The following FANCD2 variants were observed in gnomAD, a reference collection of about 807,000 sequenced individuals.
FANCD2 encodes FA complementation group D2.
Under a neutral mutation model 192.3 loss-of-function variants are expected in FANCD2, and 131 were observed. The observed-to-expected ratio is 0.68, with a 90% CI of 0.59 to 0.79. The LOEUF is 0.79. FANCD2 is among the 30% of genes least tolerant of loss of function. The probability of loss-of-function intolerance (pLI) is 0.00; values close to 1 mark genes in which losing one functional copy is unlikely to be tolerated. For synonymous variants in FANCD2, 524 were observed against 612.5 expected (o/e 0.86, Z 2.13); for missense variants, 1,508 against 1,701.6 (o/e 0.89, Z 2.00).
intron 8 of FANCD2, 113 bp from the exon 9 acceptor site, chr3:10,039,608 G>C: frequency 8.2e-7 from 1 of 1,217,018 alleles, no homozygotes; most frequent in Non-Finnish European, 1.2e-6. Flanking sequence ...AAAGTACAGA[G>C]ATAAATGACT....
rs370765663 is a variant in FANCD2, at chr3:10,039,379, C to T, written c.570+22C>T. 149 of 1,580,218 alleles carry T rather than the reference C, an allele frequency of 9.4e-5. No individual in the cohort carries two copies. In the Middle Eastern group the frequency reaches 6.8e-3, roughly 72 times the overall value. ...CAAGGTAGGCTTATGGACTTTATCT[C>T]TTGAATTTAAAGAGTATGTTTCTCA... On this transcript the variant is annotated intron_variant, in intron 8 of 43. Coordinates refer to ENST00000675286, the MANE Select transcript of FANCD2 (RefSeq NM_001018115.3).
intron 29 of FANCD2, among the ~76,000 whole-genome samples, chr3:10,077,396 A>T: frequency 6.6e-6 from 1 of 152,064 alleles, no homozygotes; most frequent in Non-Finnish European, 1.5e-5. Context: ...TTCTACTAAA[A>T]ATACAAAAAT....
chr3:10,092,832 C>T (rs1427969293), intron 38 of FANCD2, among the ~76,000 whole-genome samples: 1 of 151,650 alleles, frequency 6.6e-6, no homozygotes, highest in Non-Finnish European at 1.5e-5. Flanking sequence ...GCTGGGACTA[C>T]AGGAACATGC....
Position 10,041,714 on chromosome 3 carries a change from G to T in FANCD2, c.783+4G>T. ...TGACCCAAACTTCCTATTGAAGGTAGAAAAGACTCAGCTTTCCAGAAACAG... is the reference window on the plus strand; with the variant it reads ...TGACCCAAACTTCCTATTGAAGGTATAAAAGACTCAGCTTTCCAGAAACAG... On this transcript the variant is annotated splice_donor_region_variant and intron_variant, in intron 10 of 43. Transcript: ENST00000675286. 1 of 1,610,962 alleles carries T rather than the reference G, an allele frequency of 6.2e-7. No homozygotes were observed. The highest frequency in any genetic ancestry group is 8.5e-7 in the Non-Finnish European group (1 of 1,177,256).
intron 1 of FANCD2, among the ~76,000 whole-genome samples, chr3:10,027,412 C>A (rs187873909): frequency 6.6e-6 from 1 of 152,208 alleles, no homozygotes; most frequent in Non-Finnish European, 1.5e-5. Flanking sequence ...CACCTTTGTG[C>A]AAAGGCACTG....
intron 18 of FANCD2, among the ~76,000 whole-genome samples, chr3:10,053,634 A>C (rs2087287459): frequency 6.6e-6 from 1 of 151,834 alleles, no homozygotes; most frequent in Non-Finnish European, 1.5e-5. Flanking sequence ...AAAAAAAAAA[A>C]CAAGCAAATG....
At chr3:10,054,459 ATATATATATATATATTTTTTTT>A in intron 18 of FANCD2, among the ~76,000 whole-genome samples, 1 of 21,992 alleles carries the variant, frequency 4.5e-5, no homozygotes, top group Non-Finnish European at 9.5e-5. Context: ...ATATATATAT[ATATATATATATATATTTTTTTT>A]TTTTTTTTTT....
intron 18 of FANCD2, among the ~76,000 whole-genome samples, chr3:10,056,890 T>C (rs917616597): frequency 1.3e-5 from 2 of 152,218 alleles, no homozygotes; most frequent in Non-Finnish European, 2.9e-5. Context: ...GGTCTCACTC[T>C]GTCACACACA....
chr3:10,039,471 T>A lies in FANCD2; in HGVS notation c.570+114T>A, dbSNP rs546351552. 2.9e-6 allele frequency: 3 copies of A among 1,025,724 alleles called. No individual in the cohort carries two copies. The East Asian group carries it at 7.8e-5, about 27-fold the overall frequency. The allele number at this position is 1,025,724 out of a possible 1,614,324, so 63.5% of individuals were successfully genotyped here. On this transcript the variant is annotated intron_variant, in intron 8 of 43. Transcript: ENST00000675286. ...AATTCATACTTTTCCATCCATCCAT[T>A]AGCTTTTTCCAATTTTCATAATTTG... is the stretch of plus-strand genomic sequence containing the variant.
intron 23 of FANCD2, 126 bp downstream of exon 23, chr3:10,065,001 AG>A (rs1292882253): frequency 2.6e-5 from 26 of 1,009,924 alleles, no homozygotes; most frequent in Non-Finnish European, 4.0e-5. Flanking sequence ...TGGAGAGGTT[AG>A]GGAGAATGGG....
At position 10,096,330 on chromosome 3, in the gene FANCD2, A is replaced by G. The variant is rs1694957077; in HGVS notation, c.4043A>G (p.His1348Arg). The G allele has an allele frequency of 6.2e-7, 1 of 1,613,966 alleles. No homozygotes were observed. Among genetic ancestry groups the G allele is most frequent in the African/African-American group, 1.3e-5 (1 of 74,922 alleles). Residue 1348 changes from histidine to arginine, a missense_variant, in exon 42 of 44, where the codon CAC becomes CGC. His to Arg is a conservative substitution (Grantham distance 29). Transcript: ENST00000675286. The part of the protein sequence containing the change: ...LHHLCGHSKI[H>R]QDTRLTQHVP... ...ATGTTATTTATTTCCATTCAGATTCACCAGGACACGAGACTCACCCAACAT... is the reference window on the plus strand; with the variant it reads ...ATGTTATTTATTTCCATTCAGATTCGCCAGGACACGAGACTCACCCAACAT...
intron 16 of FANCD2, 91 bp downstream of exon 16, chr3:10,048,142 G>C: frequency 6.4e-7 from 1 of 1,569,886 alleles, no homozygotes; most frequent in East Asian, 2.2e-5. Flanking sequence ...CTCACTGAAG[G>C]GGAAGGAACT....
At chr3:10,098,209 TA>T (rs554742580) in intron 42 of FANCD2, among the ~76,000 whole-genome samples, 82 of 152,314 alleles carry the variant, frequency 5.4e-4, no homozygotes, top group Non-Finnish European at 9.6e-4. Flanking sequence ...TGTTTCTGCA[TA>T]AAAATTGAAG....
intron 2 of FANCD2, among the ~76,000 whole-genome samples, chr3:10,029,267 A>C (rs984582632): frequency 6.6e-5 from 10 of 152,198 alleles, no homozygotes; most frequent in Non-Finnish European, 1.5e-5. Context: ...TGAGGGGCTA[A>C]GGTGAGAGGG....
Position 10,052,439 on chromosome 3 carries a change from T to G in FANCD2, c.1598T>G (p.Phe533Cys). ...TCCCCTCAGCAAATACGAAAACTCT[T>G]CTATGTTCTCAGCACACTGGCATTT... ...NISPQQIRKL[F>C]YVLSTLAFSK... is the part of the protein sequence containing the mutation. The change falls in exon 18 of 44, where the codon TTC becomes TGC. Residue 533 changes from phenylalanine to cysteine, a missense_variant. Phe to Cys is a radical substitution (Grantham distance 205, BLOSUM62 -2). Around this residue, in one of 5 missense-constraint regions of FANCD2, gnomAD observed 110 missense variants for 114.4 expected, o/e 0.96. Transcript: ENST00000675286. The G allele has an allele frequency of 1.9e-6, 3 of 1,613,164 alleles. No homozygotes were observed. The highest frequency in any genetic ancestry group is 2.5e-6 in the Non-Finnish European group (3 of 1,179,930).
chr3:10,033,052 G>A, intron 3 of FANCD2, 80 bp downstream of exon 3: 1 of 1,166,962 alleles, frequency 8.6e-7, no homozygotes, highest in Non-Finnish European at 1.3e-6. Context: ...AAATAGAGAG[G>A]CAATGAAGAT....
At chr3:10,064,990 T>A in intron 23 of FANCD2, 115 bp downstream of exon 23, 1 of 1,135,726 alleles carries the variant, frequency 8.8e-7, no homozygotes, top group Non-Finnish European at 1.3e-6. Context: ...CAAATGGTAT[T>A]TGGAGAGGTT....
intron 3 of FANCD2, among the ~76,000 whole-genome samples, chr3:10,033,409 C>T (rs1398517538): frequency 1.3e-5 from 2 of 151,716 alleles, no homozygotes; most frequent in African/African-American, 2.4e-5. Context: ...TTCCAAAAAA[C>T]AAAAATGGAA....
intron 4 of FANCD2, 74 bp from the exon 5 acceptor site, chr3:10,034,620 TG>T: frequency 6.7e-7 from 1 of 1,490,954 alleles, no homozygotes; most frequent in Non-Finnish European, 9.4e-7. Flanking sequence ...TAAAGTTGAG[TG>T]GGCTAGAATG....
Sources: gnomAD v4.1 joint callset for allele counts (sites outside exome capture counted in the v4.1 genomes callset) on GRCh38, gnomAD v4.1.1 for gene constraint, gnomAD v4.1.1 regional missense constraint, MANE v1.5 for transcripts, NCBI Gene and HGNC (gene_info 2026-07-23, HGNC 2026-07-21) for gene names.